The following DENND2B variants were observed in gnomAD, a reference collection of about 807,000 sequenced individuals.
The protein encoded by DENND2B is DENN domain-containing protein 2B.
A neutral mutation model predicts 116.0 loss-of-function variants in DENND2B; 32 were observed. The ratio of observed to expected loss-of-function variants is 0.28; its 90% CI spans 0.21 to 0.37. The LOEUF is 0.37. Among genes scored for constraint, DENND2B ranks in the 10% least tolerant of loss-of-function variants. The probability of loss-of-function intolerance (pLI) is 1.00; values close to 1 mark genes in which losing one functional copy is unlikely to be tolerated. For missense variants in DENND2B, 1,276 were observed against 1,477.7 expected, an observed-to-expected ratio of 0.86 and a Z score of 2.24; for synonymous variants, 588 against 583.9, an observed-to-expected ratio of 1.01 and a Z score of -0.10.
chr11:8,707,923 CT>C lies in DENND2B; in HGVS notation c.2353-70del. The C allele has an allele frequency of 1.3e-6, 2 of 1,558,800 alleles. No homozygotes were observed. Among genetic ancestry groups the C allele is most frequent in the South Asian group, 2.4e-5 (2 of 84,986 alleles). On this transcript the variant is annotated intron_variant, in intron 11 of 19. Coordinates refer to ENST00000313726, the MANE Select transcript of DENND2B (RefSeq NM_213618.2). This position sits in a 1 kb window ranked among gnomAD's most constrained non-coding sequence, Gnocchi z 4.8. Reference sequence around the variant, plus strand: ...AATGCATGATTACCATTTCTGGCTCCTTTTCCTTGGGAACGGAGGAGTAAGG... The same window carrying C: ...AATGCATGATTACCATTTCTGGCTCCTTTCCTTGGGAACGGAGGAGTAAGG...
chr11:8,900,907 T>G (rs1281458983), intron 1 of DENND2B, among the ~76,000 whole-genome samples: 1 of 151,876 alleles, frequency 6.6e-6, no homozygotes, highest in Non-Finnish European at 1.5e-5. Flanking sequence ...AGGCAGAGGT[T>G]GCAGTGAGCC....
intron 1 of DENND2B, among the ~76,000 whole-genome samples, chr11:8,772,427 C>G (rs2057050986): frequency 6.6e-6 from 1 of 151,906 alleles, no homozygotes; most frequent in Admixed American, 6.6e-5. Context: ...CCCACTTAAT[C>G]TATGGAGATT....
At chr11:8,797,538 CCCTTTCCT>C (rs1473037239) in intron 1 of DENND2B, among the ~76,000 whole-genome samples, 1 of 148,784 alleles carries the variant, frequency 6.7e-6, no homozygotes, top group Non-Finnish European at 1.5e-5. Flanking sequence ...CCCCCTTTCC[CCCTTTCCT>C]CTTCTCTTCT....
At chr11:8,875,167 C>T (rs967008380), upstream of DENND2B, among the ~76,000 whole-genome samples, 3 of 151,652 alleles carry the variant, frequency 2.0e-5, no homozygotes, top group Admixed American at 6.6e-5. Flanking sequence ...ACTAAAGATA[C>T]AAAAAATTAG....
intron 1 of DENND2B, among the ~76,000 whole-genome samples, chr11:8,889,278 C>T (rs890777498): frequency 2.6e-5 from 4 of 152,112 alleles, no homozygotes; most frequent in African/African-American, 4.8e-5. Context: ...CCAAGATGGC[C>T]GAATAGGAAC....
chr11:8,799,918 TTTA>T (rs143632896), intron 1 of DENND2B, among the ~76,000 whole-genome samples: 6,914 of 143,434 alleles, frequency 0.048, 257 homozygotes, highest in African/African-American at 0.1. Flanking sequence ...TCACCATGTA[TTTA>T]TTATTATTAT....
At chr11:8,801,203 C>G (rs1424793721) in intron 1 of DENND2B, among the ~76,000 whole-genome samples, 1 of 151,968 alleles carries the variant, frequency 6.6e-6, no homozygotes, top group African/African-American at 2.4e-5. Context: ...TTTGATTCAG[C>G]CAGACTCCCC....
intron 1 of DENND2B, among the ~76,000 whole-genome samples, chr11:8,799,295 G>C (rs2060104835): frequency 2.0e-5 from 3 of 152,220 alleles, no homozygotes; most frequent in African/African-American, 7.2e-5. Context: ...AATGCAGAGA[G>C]GCAGGGACTC....
chr11:8,894,307 T>C (rs377437697), intron 1 of DENND2B, among the ~76,000 whole-genome samples: 3 of 152,092 alleles, frequency 2.0e-5, no homozygotes, highest in South Asian at 2.1e-4. Flanking sequence ...AGAAGAAAAC[T>C]TAGGCAATAC....
At chr11:8,761,477 C>T (rs2054612837) in intron 1 of DENND2B, among the ~76,000 whole-genome samples, 1 of 152,202 alleles carries the variant, frequency 6.6e-6, no homozygotes, top group Non-Finnish European at 1.5e-5. Flanking sequence ...GGCCATAGTC[C>T]TATCTTAGAG....
At position 8,848,604 on chromosome 11, in the gene DENND2B, T is replaced by C. The variant is rs181305109; in HGVS notation, c.-156+8739A>G. The stretch of plus-strand genomic sequence containing the variant: ...AGATTTTTAAAGTTCTTATCAAATA[T>C]GCTTCCCGAAATATTATTGGGTAAA... On this transcript the variant is annotated intron_variant, in intron 3 of 6. Coordinates refer to the DENND2B transcript ENST00000524757. Among the ~76,000 whole-genome samples the C allele has an allele frequency of 3.7e-3, 564 of 152,268 alleles. 7 individuals carry two copies. Among genetic ancestry groups the C allele is most frequent in the African/African-American group, 0.013 (535 of 41,568 alleles).
intron 3 of DENND2B, among the ~76,000 whole-genome samples, chr11:8,856,536 C>A (rs997155455): frequency 6.6e-6 from 1 of 152,138 alleles, no homozygotes. Context: ...CCGTCCAAAG[C>A]ATTTGTGGGC....
At chr11:8,773,008 T>C (rs2057157343) in intron 1 of DENND2B, among the ~76,000 whole-genome samples, 5 of 152,304 alleles carry the variant, frequency 3.3e-5, no homozygotes, top group Admixed American at 3.3e-4. Context: ...CCCTGAGTTT[T>C]AGTGCCAGTG....
At chr11:8,714,555 T>C in intron 7 of DENND2B, 55 bp downstream of exon 7, 1 of 1,476,614 alleles carries the variant, frequency 6.8e-7, no homozygotes, top group African/African-American at 1.4e-5. Context: ...GCCTCTCCCG[T>C]TCCTAATGCC....
intron 16 of DENND2B, chr11:8,697,916 C>A: frequency 2.0e-6 from 1 of 510,384 alleles, no homozygotes; most frequent in Non-Finnish European, 3.7e-6. Flanking sequence ...TCGCTTGAGC[C>A]CAGGAGGGAG....
Position 8,828,177 on chromosome 11 carries a change from G to A in DENND2B, c.-115+11133C>T, listed in dbSNP as rs1287037426. 4.6e-5 allele frequency among the ~76,000 whole-genome samples: 7 copies of A among 152,278 alleles called. 1 individual carries two copies. The South Asian group carries it at 1.5e-3, about 32-fold the overall frequency. ...GAGCTGTTCCTGCCTACAGTGGCTGGGGCAGAGATCTAAAGCAAGTAAAGG... is the reference window on the plus strand; with the variant it reads ...GAGCTGTTCCTGCCTACAGTGGCTGAGGCAGAGATCTAAAGCAAGTAAAGG... On this transcript the variant is annotated intron_variant, in intron 4 of 6. Coordinates refer to the DENND2B transcript ENST00000524757.
At chr11:8,788,447 A>G (rs968701868) in intron 1 of DENND2B, among the ~76,000 whole-genome samples, 1 of 152,178 alleles carries the variant, frequency 6.6e-6, no homozygotes, top group Non-Finnish European at 1.5e-5. Context: ...ACTGTTTAGA[A>G]TGGTTGTCTT....
intron 4 of DENND2B, among the ~76,000 whole-genome samples, chr11:8,821,364 G>A (rs2061756696): frequency 6.6e-6 from 1 of 151,244 alleles, no homozygotes; most frequent in African/African-American, 2.4e-5. Context: ...CAAGGTGGGA[G>A]GATCTCTTGA....
intron 1 of DENND2B, among the ~76,000 whole-genome samples, chr11:8,902,831 G>C (rs1399613359): frequency 6.6e-6 from 1 of 152,190 alleles, no homozygotes; most frequent in South Asian, 2.1e-4. Context: ...AAGCCAGTCT[G>C]ACAATCTCTG....
Sources: gnomAD v4.1 joint callset for allele counts (sites outside exome capture counted in the v4.1 genomes callset) on GRCh38, gnomAD v4.1.1 for gene constraint, Gnocchi (gnomAD v3.1) non-coding constraint, MANE v1.5 for transcripts, NCBI Gene and HGNC (gene_info 2026-07-23, HGNC 2026-07-21) for gene names.